The following COL22A1 variants were observed in gnomAD, a reference collection of about 807,000 sequenced individuals.
The protein encoded by COL22A1 is collagen alpha-1(XXII) chain.
In COL22A1, 221 loss-of-function variants were observed where a neutral mutation model predicts 248.9. The ratio of observed to expected loss-of-function variants is 0.89; its 90% CI spans 0.80 to 0.99. The LOEUF is 0.99. COL22A1 is among the 50% of genes least tolerant of loss of function. The probability of loss-of-function intolerance (pLI) is 0.00; values close to 1 mark genes in which losing one functional copy is unlikely to be tolerated. For synonymous variants in COL22A1, 891 were observed against 793.4 expected (o/e 1.12, Z -2.07); for missense variants, 2,240 against 2,179.0 (o/e 1.03, Z -0.56).
At chr8:138,741,633 T>A (rs1831565783) in intron 22 of COL22A1, among the ~76,000 whole-genome samples, 1 of 152,208 alleles carries the variant, frequency 6.6e-6, no homozygotes, top group Admixed American at 6.5e-5. Flanking sequence ...ATAATGAATA[T>A]GAGGAAGAAG....
intron 9 of COL22A1, among the ~76,000 whole-genome samples, chr8:138,810,240 G>A (rs1879051): frequency 0.45 from 68,636 of 152,032 alleles, 16,188 homozygotes; most frequent in Middle Eastern, 0.56. Context: ...GGATGTCTTG[G>A]AAGAAGAGCA....
chr8:138,652,068 T>C (rs1822786447), intron 45 of COL22A1, among the ~76,000 whole-genome samples: 1 of 152,180 alleles, frequency 6.6e-6, no homozygotes, highest in South Asian at 2.1e-4. Context: ...TAGGGTGAGA[T>C]CACCCCAATC....
At chr8:138,660,350 C>G in intron 44 of COL22A1, 86 bp downstream of exon 44, 2 of 1,181,518 alleles carry the variant, frequency 1.7e-6, no homozygotes, top group Non-Finnish European at 2.5e-6. Flanking sequence ...TTGTTAAAAC[C>G]TCTTGAACTT....
chr8:138,598,495 C>G (rs544672564), intron 61 of COL22A1, among the ~76,000 whole-genome samples: 1 of 152,214 alleles, frequency 6.6e-6, no homozygotes, highest in Non-Finnish European at 1.5e-5. Flanking sequence ...AAGCTAGACA[C>G]GTTATTTCAC....
At chr8:138,815,014 T>C (rs1175850538) in intron 7 of COL22A1, among the ~76,000 whole-genome samples, 1 of 152,152 alleles carries the variant, frequency 6.6e-6, no homozygotes, top group Non-Finnish European at 1.5e-5. Flanking sequence ...CTTGTGATAG[T>C]GAATAAGTGT....
chr8:138,633,348 G>A (rs907553771), intron 49 of COL22A1, among the ~76,000 whole-genome samples: 1 of 152,144 alleles, frequency 6.6e-6, no homozygotes, highest in African/African-American at 2.4e-5. Flanking sequence ...ATTGTTTCTG[G>A]GCCTCCAATA....
chr8:138,752,218 G>A (rs1323725655), intron 21 of COL22A1, among the ~76,000 whole-genome samples: 1 of 152,184 alleles, frequency 6.6e-6, no homozygotes, highest in African/African-American at 2.4e-5. Context: ...TTATACCACA[G>A]AATGAGGCAT....
intron 44 of COL22A1, among the ~76,000 whole-genome samples, chr8:138,656,340 C>T (rs577391447): frequency 6.6e-6 from 1 of 152,344 alleles, no homozygotes; most frequent in Non-Finnish European, 1.5e-5. Context: ...AAAAGAGCAA[C>T]AGCTGTTACT....
intron 16 of COL22A1, among the ~76,000 whole-genome samples, chr8:138,774,204 C>T (rs916950139): frequency 2.6e-5 from 4 of 152,066 alleles, no homozygotes; most frequent in African/African-American, 9.7e-5. Flanking sequence ...AAACAAAAAT[C>T]ATGTTTGGGA....
chr8:138,771,155 G>T (rs1056260517), intron 16 of COL22A1, among the ~76,000 whole-genome samples: 4 of 152,222 alleles, frequency 2.6e-5, no homozygotes, highest in Non-Finnish European at 5.9e-5. Flanking sequence ...GGTGCAGGCT[G>T]CAGGGACTCA....
chr8:138,856,381 G>A (rs919049153), intron 3 of COL22A1, among the ~76,000 whole-genome samples: 15 of 152,076 alleles, frequency 9.9e-5, no homozygotes, highest in African/African-American at 3.4e-4. Context: ...GGCCTTGGAG[G>A]AACAGAGAGA....
In COL22A1 at chr8:138,775,844, G is replaced by C. The variant is rs1485225183; in HGVS notation, c.1803+122C>G. 6 of 952,266 alleles carry C rather than the reference G, an allele frequency of 6.3e-6. No individual in the cohort carries two copies. The African/African-American group carries it at 8.0e-5, about 13-fold the overall frequency. The allele number at this position is 952,266 out of a possible 1,614,324, so 59.0% of individuals were successfully genotyped here. On this transcript the variant is annotated intron_variant, in intron 16 of 64. Coordinates refer to ENST00000303045, the MANE Select transcript of COL22A1 (RefSeq NM_152888.3). ...TGCAAATATACATGTACACACATGT[G>C]CACACATGCACACACAAATGTGTAC...
intron 40 of COL22A1, 61 bp from the exon 41 acceptor site, chr8:138,676,696 C>T (rs2130805676): frequency 8.5e-7 from 1 of 1,178,994 alleles, no homozygotes; most frequent in Non-Finnish European, 1.2e-6. Context: ...GGCTAGGGTA[C>T]AAAATGAATC....
At chr8:138,895,973 C>A (rs1401912998) in intron 1 of COL22A1, among the ~76,000 whole-genome samples, 1 of 152,070 alleles carries the variant, frequency 6.6e-6, no homozygotes, top group Non-Finnish European at 1.5e-5. Flanking sequence ...TACTTGAAAC[C>A]AAGAAACCAG....
rs765233967 is a variant in COL22A1, at chr8:138,693,635, T to C, written c.2754+11A>G. 4.4e-6 allele frequency: 7 copies of C among 1,577,938 alleles called. No homozygotes were observed. Among genetic ancestry groups the C allele is most frequent in the South Asian group, 3.5e-5 (3 of 85,906 alleles). ...GCTCCCCCACGAGGCAGGCCGATCA[T>C]AGGGACTCACGGGGTTTCCAGCTGC... is the stretch of plus-strand genomic sequence containing the variant. On this transcript the variant is annotated intron_variant, in intron 35 of 64. Coordinates refer to ENST00000303045, the MANE Select transcript of COL22A1 (RefSeq NM_152888.3).
chr8:138,867,749 T>C (rs1823005769), intron 3 of COL22A1, among the ~76,000 whole-genome samples: 1 of 152,172 alleles, frequency 6.6e-6, no homozygotes. Context: ...GTAGTATTAT[T>C]ATTGTATTTA....
intron 1 of COL22A1, among the ~76,000 whole-genome samples, chr8:138,903,769 A>C (rs1814794397): frequency 6.6e-6 from 1 of 152,206 alleles, no homozygotes; most frequent in African/African-American, 2.4e-5. Context: ...AGGGGACCAG[A>C]ATGAGCTGGC....
At chr8:138,721,896 C>T in intron 26 of COL22A1, 140 bp downstream of exon 26, 1 of 746,460 alleles carries the variant, frequency 1.3e-6, no homozygotes, top group Admixed American at 2.0e-5. Flanking sequence ...CATCTGACCC[C>T]ATAAATCCAA....
intron 43 of COL22A1, among the ~76,000 whole-genome samples, chr8:138,661,042 A>G (rs1465816728): frequency 6.7e-6 from 1 of 149,384 alleles, no homozygotes; most frequent in African/African-American, 2.5e-5. Flanking sequence ...ATATACAGAC[A>G]CACACACACA....
Sources: allele counts gnomAD v4.1 joint callset (sites outside exome capture counted in the v4.1 genomes callset), GRCh38; gene constraint gnomAD v4.1.1; transcripts MANE v1.5; gene names NCBI Gene and HGNC (gene_info 2026-07-23, HGNC 2026-07-21).